Variants in PCNX1 observed in about 807,000 individuals in gnomAD.
PCNX1 encodes the protein pecanex 1, also known as pecanex-like protein 1.
A neutral mutation model predicts 242.2 loss-of-function variants in PCNX1; 78 were observed. The ratio of observed to expected loss-of-function variants is 0.32; its 90% CI spans 0.27 to 0.39. The LOEUF is 0.39. Ranked by LOEUF, PCNX1 falls within the 10% of genes least tolerant of loss-of-function variation. The pLI, the probability that PCNX1 is intolerant of heterozygous loss-of-function variation, is 1.00. For missense variants in PCNX1, 2,581 were observed against 2,856.5 expected (o/e 0.90, Z 2.20); for synonymous variants, 1,024 against 1,032.9 (o/e 0.99, Z 0.17).
intron 28 of PCNX1, among the ~76,000 whole-genome samples, chr14:71,086,292 CAGTTGTGGGTCAGTTTTGATTG>C (rs2061987446): frequency 6.6e-6 from 1 of 152,142 alleles, no homozygotes; most frequent in South Asian, 2.1e-4. Context: ...ACATCAATGT[CAGTTGTGGGTCAGTTTTGATTG>C]AGTGGTTAAT....
intron 28 of PCNX1, among the ~76,000 whole-genome samples, chr14:71,083,794 A>G (rs1595466116): frequency 6.6e-6 from 1 of 152,184 alleles, no homozygotes. Context: ...GGGTTAGAAC[A>G]TGCTCCGTTA....
intron 2 of PCNX1, among the ~76,000 whole-genome samples, chr14:70,949,746 C>T (rs538268321): frequency 5.9e-5 from 9 of 152,196 alleles, no homozygotes; most frequent in Non-Finnish European, 1.2e-4. Flanking sequence ...GCCTTGCCCA[C>T]TTTCCACTTT....
intron 29 of PCNX1, 64 bp downstream of exon 29, chr14:71,088,494 T>C: frequency 1.1e-6 from 1 of 916,244 alleles, no homozygotes; most frequent in Non-Finnish European, 1.8e-6. Flanking sequence ...AAATCTAAAA[T>C]GATTTTTCAT....
In PCNX1 at chr14:71,052,119, A is replaced by G. The variant is rs1372470121; in HGVS notation, c.4577+107A>G. 4.8e-6 allele frequency: 4 copies of G among 841,420 alleles called. No individual in the cohort carries two copies. In the African/African-American group the frequency reaches 7.0e-5, roughly 15 times the overall value. 52.1% of individuals were successfully genotyped at this position (841,420 alleles called of 1,614,324 possible). On this transcript the variant is annotated intron_variant, in intron 24 of 35. Transcript: ENST00000304743. ...ATGGTTCATAATTTATTGTGTTGAA[A>G]TATTTATTTTTGCTAAAACTTAATA...
intron 28 of PCNX1, chr14:71,078,767 C>T (rs949836831): frequency 6.6e-6 from 1 of 152,130 alleles, no homozygotes; most frequent in Non-Finnish European, 1.5e-5. Flanking sequence ...TCTTTTTTCA[C>T]TGGCTGCTTT....
intron 8 of PCNX1, among the ~76,000 whole-genome samples, chr14:71,007,919 A>G (rs1036763897): frequency 1.3e-5 from 2 of 152,054 alleles, no homozygotes; most frequent in East Asian, 1.9e-4. Flanking sequence ...TCCAGTTTCT[A>G]TTAGAGGTGC....
intron 25 of PCNX1, 83 bp downstream of exon 25, chr14:71,055,645 G>A: frequency 1.4e-5 from 11 of 761,222 alleles, no homozygotes; most frequent in South Asian, 4.3e-5. Flanking sequence ...CTAACTTGTT[G>A]GGAATCCTCT....
At chr14:71,057,112 T>C (rs1189167121) in intron 25 of PCNX1, among the ~76,000 whole-genome samples, 1 of 152,238 alleles carries the variant, frequency 6.6e-6, no homozygotes, top group African/African-American at 2.4e-5. Flanking sequence ...TGTATTATTT[T>C]ATCTACTTCC....
At chr14:70,922,874 CG>C (rs2056434225) in intron 1 of PCNX1, among the ~76,000 whole-genome samples, 1 of 150,690 alleles carries the variant, frequency 6.6e-6, no homozygotes, top group Non-Finnish European at 1.5e-5. Flanking sequence ...CTGGGTCAAA[CG>C]GTATGCACAT....
rs374093757 is a variant in PCNX1, at chr14:71,054,675, G to A, written c.4578-829G>A. 3.5e-4 allele frequency among the ~76,000 whole-genome samples: 54 copies of A among 152,192 alleles called. 1 individual carries two copies. The East Asian group carries it at 5.6e-3, about 16-fold the overall frequency. On this transcript the variant is annotated intron_variant, in intron 24 of 35. Transcript: ENST00000304743. The stretch of plus-strand genomic sequence containing the variant: ...GAAAAAAACGCAGCTAGTTCAGCTC[G>A]GAGTTCAAGCAGTTGCACAAATACT...
At chr14:71,078,485 T>C (rs922102480) in intron 28 of PCNX1, among the ~76,000 whole-genome samples, 1 of 152,246 alleles carries the variant, frequency 6.6e-6, no homozygotes, top group South Asian at 2.1e-4. Context: ...TCAGCTTCTT[T>C]CTCCTACTTT....
chr14:70,955,158 A>G (rs1174648504), intron 2 of PCNX1, among the ~76,000 whole-genome samples: 2 of 152,292 alleles, frequency 1.3e-5, no homozygotes, highest in East Asian at 1.9e-4. Context: ...TTATATTTCT[A>G]ATGCTTCAGG....
At chr14:70,975,844 G>A (rs2058672404) in intron 5 of PCNX1, among the ~76,000 whole-genome samples, 1 of 151,658 alleles carries the variant, frequency 6.6e-6, no homozygotes, top group African/African-American at 2.4e-5. Context: ...CACTGGTCTG[G>A]ATGGAGGGTT....
intron 22 of PCNX1, among the ~76,000 whole-genome samples, 179 bp downstream of exon 22, chr14:71,048,163 A>G (rs1393784678): frequency 6.6e-6 from 1 of 152,216 alleles, no homozygotes; most frequent in African/African-American, 2.4e-5. Flanking sequence ...TGTGATTTAT[A>G]AAAGATATAT....
chr14:70,987,055 T>C (rs1264900550), intron 6 of PCNX1, among the ~76,000 whole-genome samples: 2 of 152,222 alleles, frequency 1.3e-5, no homozygotes, highest in Non-Finnish European at 2.9e-5. Context: ...TCTTCTCTGC[T>C]TTGTTTCATC....
Position 71,018,988 on chromosome 14 carries a change from CA to C in PCNX1, c.2997-20del. ...TTCTTATACTTAAGATATACTTACC[CA>C]TAAGTTTTTCTGTCCGTAGAAATCG... On this transcript the variant is annotated intron_variant, in intron 11 of 35. Coordinates refer to ENST00000304743, the MANE Select transcript of PCNX1 (RefSeq NM_014982.3). 1 of 1,597,454 alleles carries C rather than the reference CA, an allele frequency of 6.3e-7. No individual in the cohort carries two copies. The highest frequency in any genetic ancestry group is 8.5e-7 in the Non-Finnish European group (1 of 1,170,248).
chr14:70,938,880 T>G (rs1018652323), intron 1 of PCNX1, among the ~76,000 whole-genome samples: 16 of 152,182 alleles, frequency 1.1e-4, no homozygotes, highest in African/African-American at 2.7e-4. Context: ...GTCCAGGAAT[T>G]TATCCATTTC....
intron 11 of PCNX1, among the ~76,000 whole-genome samples, chr14:71,017,473 T>TTAC (rs374300545): frequency 6.6e-6 from 1 of 152,092 alleles, no homozygotes; most frequent in African/African-American, 2.4e-5. Flanking sequence ...AATAAAGAAC[T>TTAC]TGTAGCCTTA....
intron 16 of PCNX1, among the ~76,000 whole-genome samples, chr14:71,031,320 G>A (rs1458583367): frequency 6.6e-6 from 1 of 152,194 alleles, no homozygotes; most frequent in Non-Finnish European, 1.5e-5. Context: ...TTGGTGTGGG[G>A]GACCCCAGGC....
Sources: gnomAD v4.1 joint callset for allele counts (sites outside exome capture counted in the v4.1 genomes callset) on GRCh38, gnomAD v4.1.1 for gene constraint, MANE v1.5 for transcripts, NCBI Gene and HGNC (gene_info 2026-07-23, HGNC 2026-07-21) for gene names.